Variants in MDGA2 observed in about 807,000 individuals in gnomAD.
MDGA2 encodes the protein MAM domain-containing glycosylphosphatidylinositol anchor protein 2.
In MDGA2, 40 loss-of-function variants were observed where a neutral mutation model predicts 117.8. The ratio of observed to expected loss-of-function variants is 0.34; its 90% CI spans 0.26 to 0.44. MDGA2 has a LOEUF of 0.44. Ranked by LOEUF, MDGA2 falls within the 20% of genes least tolerant of loss-of-function variation. The pLI, the probability that MDGA2 is intolerant of heterozygous loss-of-function variation, is 1.00. For synonymous variants in MDGA2, 452 were observed against 439.0 expected (o/e 1.03, Z -0.37); for missense variants, 1,123 against 1,250.6 (o/e 0.90, Z 1.54).
chr14:47,277,953 C>CA (rs1399053983), intron 2 of MDGA2, among the ~76,000 whole-genome samples: 7 of 151,662 alleles, frequency 4.6e-5, no homozygotes, highest in Admixed American at 2.6e-4. Flanking sequence ...GAAGAGGAAG[C>CA]AAAAAACAGG....
chr14:46,871,630 A>G (rs1210091878), intron 14 of MDGA2: 1 of 153,526 alleles, frequency 6.5e-6, no homozygotes, highest in Non-Finnish European at 1.5e-5. Flanking sequence ...AAAGTAACCT[A>G]AGATTATGAG....
chr14:47,006,416 AATT>A (rs1566570925), intron 8 of MDGA2, among the ~76,000 whole-genome samples: 2 of 145,768 alleles, frequency 1.4e-5, no homozygotes, highest in Non-Finnish European at 3.0e-5. Flanking sequence ...TTATATTTAT[AATT>A]ATATTATATG....
At chr14:47,324,523 G>A (rs749447704) in intron 1 of MDGA2, among the ~76,000 whole-genome samples, 12 of 152,058 alleles carry the variant, frequency 7.9e-5, no homozygotes, top group South Asian at 2.1e-4. Flanking sequence ...CTTTCTAGTC[G>A]CAGAACCATC....
chr14:47,183,278 T>C (rs1884782977), intron 3 of MDGA2, among the ~76,000 whole-genome samples: 1 of 152,116 alleles, frequency 6.6e-6, no homozygotes, highest in Admixed American at 6.6e-5. Context: ...ATCTCTCCAA[T>C]TTTATCACTC....
intron 8 of MDGA2, among the ~76,000 whole-genome samples, chr14:46,967,200 A>C (rs1007745360): frequency 6.6e-6 from 1 of 152,162 alleles, no homozygotes; most frequent in Non-Finnish European, 1.5e-5. Context: ...CAGTTGAAAG[A>C]GGAGTTGAAA....
chr14:47,056,193 A>G (rs867306462), intron 7 of MDGA2, among the ~76,000 whole-genome samples: 3 of 152,130 alleles, frequency 2.0e-5, no homozygotes, highest in Non-Finnish European at 4.4e-5. Context: ...ACAAGGAAGC[A>G]AATCTAATTA....
chr14:46,971,081 A>G (rs1356540747), intron 8 of MDGA2, among the ~76,000 whole-genome samples: 5 of 152,246 alleles, frequency 3.3e-5, no homozygotes, highest in Middle Eastern at 3.4e-3. Flanking sequence ...ACTGGTGAGG[A>G]TGCAGAGAAA....
chr14:47,247,581 G>T lies in MDGA2; in HGVS notation c.421-29386C>A, dbSNP rs111473956. ...GCCTCCCAAAGTGCTGGGATTACAG[G>T]CGTGAGCCACCGTGTCCAGACTAGT... is the stretch of plus-strand genomic sequence containing the variant. On this transcript the variant is annotated intron_variant, in intron 2 of 16. Transcript: ENST00000399232. 7.4e-3 allele frequency among the ~76,000 whole-genome samples: 1,125 copies of T among 151,342 alleles called. 29 individuals carry two copies. Among genetic ancestry groups the T allele is most frequent in the Admixed American group, 9.2e-3 (140 of 15,216 alleles).
chr14:47,108,632 A>G (rs867044104), intron 5 of MDGA2, among the ~76,000 whole-genome samples: 1 of 152,078 alleles, frequency 6.6e-6, no homozygotes, highest in African/African-American at 2.4e-5. Flanking sequence ...CCCAAATCCT[A>G]TAAAACGGCC....
intron 1 of MDGA2, among the ~76,000 whole-genome samples, chr14:47,531,997 T>C (rs1895110655): frequency 6.6e-6 from 1 of 152,194 alleles, no homozygotes. Flanking sequence ...TAAGGGTTAT[T>C]CAACAGAAAC....
intron 1 of MDGA2, among the ~76,000 whole-genome samples, chr14:47,573,073 C>T (rs940478809): frequency 6.6e-6 from 1 of 152,092 alleles, no homozygotes; most frequent in African/African-American, 2.4e-5. Context: ...ACAATACCAA[C>T]GACCAACCCC....
intron 5 of MDGA2, among the ~76,000 whole-genome samples, chr14:47,131,281 A>G (rs976085116): frequency 6.6e-6 from 1 of 152,030 alleles, no homozygotes; most frequent in African/African-American, 2.4e-5. Context: ...TTGTTCTAAA[A>G]ACATCTATCT....
intron 1 of MDGA2, among the ~76,000 whole-genome samples, chr14:47,459,982 G>C (rs566827488): frequency 9.2e-5 from 14 of 152,230 alleles, no homozygotes; most frequent in African/African-American, 3.4e-4. Flanking sequence ...ATAAAAAAGA[G>C]TGGATTTCTC....
intron 1 of MDGA2, among the ~76,000 whole-genome samples, chr14:47,622,383 T>C (rs1273626914): frequency 6.6e-6 from 1 of 152,054 alleles, no homozygotes; most frequent in African/African-American, 2.4e-5. Flanking sequence ...GTTAGAGAAA[T>C]CATGAAAAGG....
At chr14:47,616,753 G>T (rs1370944303) in intron 1 of MDGA2, among the ~76,000 whole-genome samples, 2 of 151,984 alleles carry the variant, frequency 1.3e-5, no homozygotes, top group Non-Finnish European at 2.9e-5. Context: ...TTCCATATTT[G>T]TATGAGCTCA....
intron 7 of MDGA2, among the ~76,000 whole-genome samples, chr14:47,050,820 A>G (rs1324177347): frequency 1.3e-5 from 2 of 151,968 alleles, no homozygotes; most frequent in Non-Finnish European, 2.9e-5. Flanking sequence ...ATTGGTGAGA[A>G]TAAGTAAGAT....
intron 8 of MDGA2, among the ~76,000 whole-genome samples, chr14:47,003,816 T>C (rs1211128957): frequency 6.6e-6 from 1 of 152,024 alleles, no homozygotes; most frequent in East Asian, 1.9e-4. Flanking sequence ...CTTTTGTGGA[T>C]TGCATTTTGG....
At chr14:47,449,109 A>G (rs1381637901) in intron 1 of MDGA2, among the ~76,000 whole-genome samples, 2 of 152,200 alleles carry the variant, frequency 1.3e-5, no homozygotes, top group Admixed American at 6.5e-5. Flanking sequence ...GCCAGGACTC[A>G]TTAAACTAGC....
intron 10 of MDGA2, 79 bp from the exon 11 acceptor site, chr14:46,882,300 A>T: frequency 8.1e-7 from 1 of 1,238,062 alleles, no homozygotes; most frequent in Non-Finnish European, 1.1e-6. Flanking sequence ...CAAATTTTGA[A>T]ATTTTATTAA....
Sources: allele counts gnomAD v4.1 joint callset (sites outside exome capture counted in the v4.1 genomes callset), GRCh38; gene constraint gnomAD v4.1.1; transcripts MANE v1.5; gene names NCBI Gene and HGNC (gene_info 2026-07-23, HGNC 2026-07-21).